Variants in NTM observed in about 807,000 individuals in gnomAD.
NTM encodes IgLON family member 2.
In NTM, 13 loss-of-function variants were observed where a neutral mutation model predicts 42.1. The observed-to-expected ratio is 0.31, with a 90% CI of 0.20 to 0.49. The LOEUF (loss-of-function observed/expected upper bound fraction) is 0.49, where lower values mean the gene tolerates loss of function less well. Among genes scored for constraint, NTM ranks in the 20% least tolerant of loss-of-function variants. The pLI, the probability that NTM is intolerant of heterozygous loss-of-function variation, is 0.99. For missense variants in NTM, 373 were observed against 452.8 expected (o/e 0.82, Z 1.60); for synonymous variants, 187 against 179.2 (o/e 1.04, Z -0.35).
intron 3 of NTM, among the ~76,000 whole-genome samples, chr11:132,147,225 G>T (rs1167283685): frequency 6.6e-6 from 1 of 151,716 alleles, no homozygotes; most frequent in Non-Finnish European, 1.5e-5. Context: ...GAGAGAGAGA[G>T]AGAGAGAGAG....
chr11:131,873,613 GTATATATATACATATATATATACACA>G lies in NTM; in HGVS notation c.83-37938_83-37913del, dbSNP rs1565657930. On this transcript the variant is annotated intron_variant, in intron 1 of 8. Transcript: ENST00000683400. The stretch of plus-strand genomic sequence containing the variant: ...GTATATATATACATATATATATACC[GTATATATATACATATATATATACACA>G]TATATATATACACACATATATATAC... Among the ~76,000 whole-genome samples the G allele has an allele frequency of 1.5e-3, 51 of 34,956 alleles. 5 individuals are homozygous for G. The highest frequency in any genetic ancestry group is 6.2e-3 in the African/African-American group (44 of 7,106). 22.9% of individuals were successfully genotyped at this position (34,956 alleles called of 152,430 possible).
chr11:132,065,638 T>C (rs2056360284), intron 2 of NTM, among the ~76,000 whole-genome samples: 1 of 152,218 alleles, frequency 6.6e-6, no homozygotes, highest in African/African-American at 2.4e-5. Context: ...TAAATTCTGA[T>C]TGGAACCTAA....
chr11:131,899,333 G>A (rs1169556760), intron 1 of NTM, among the ~76,000 whole-genome samples: 5 of 152,050 alleles, frequency 3.3e-5, no homozygotes, highest in African/African-American at 1.2e-4. Flanking sequence ...CCTCCTCAGG[G>A]GGCATTTCCA....
chr11:131,678,705 C>T (rs575213117), intron 1 of NTM, among the ~76,000 whole-genome samples: 9 of 152,326 alleles, frequency 5.9e-5, no homozygotes, highest in Admixed American at 5.2e-4. Flanking sequence ...GCTCTTGGAG[C>T]TCCTGTTTCT....
At chr11:131,556,433 A>G (rs1401605251) in intron 1 of NTM, among the ~76,000 whole-genome samples, 1 of 152,240 alleles carries the variant, frequency 6.6e-6, no homozygotes, top group Non-Finnish European at 1.5e-5. Context: ...TTAATAAGTC[A>G]GAGTACCCAA....
intron 1 of NTM, among the ~76,000 whole-genome samples, chr11:131,379,465 G>A (rs935947722): frequency 6.6e-6 from 1 of 152,172 alleles, no homozygotes; most frequent in African/African-American, 2.4e-5. Context: ...GGACCAGATT[G>A]CCTTGAGCCA....
intron 3 of NTM, among the ~76,000 whole-genome samples, chr11:132,173,228 C>A (rs1257993626): frequency 6.6e-6 from 1 of 152,168 alleles, no homozygotes; most frequent in Admixed American, 6.5e-5. Flanking sequence ...TTTCCAGGGG[C>A]TGGCTATGTC....
At chr11:131,902,862 C>A (rs1380644373) in intron 1 of NTM, among the ~76,000 whole-genome samples, 1 of 152,208 alleles carries the variant, frequency 6.6e-6, no homozygotes, top group African/African-American at 2.4e-5. Flanking sequence ...CTTTTATATA[C>A]AACTGCTATT....
chr11:131,998,408 C>A (rs1028865782), intron 2 of NTM, among the ~76,000 whole-genome samples: 1 of 152,170 alleles, frequency 6.6e-6, no homozygotes, highest in Non-Finnish European at 1.5e-5. Context: ...ATCCTGGGCC[C>A]CCCTTGTCCT....
At chr11:131,900,872 T>C in intron 1 of NTM, among the ~76,000 whole-genome samples, 1 of 152,268 alleles carries the variant, frequency 6.6e-6, no homozygotes, top group East Asian at 1.9e-4. Context: ...CTATTTTTTC[T>C]AATACCCTTT....
At chr11:131,612,675 G>A (rs1289616959) in intron 1 of NTM, among the ~76,000 whole-genome samples, 2 of 152,174 alleles carry the variant, frequency 1.3e-5, no homozygotes, top group East Asian at 1.9e-4. Flanking sequence ...CATGTTTATC[G>A]AATGCTGAAC....
intron 1 of NTM, among the ~76,000 whole-genome samples, chr11:131,905,630 A>AT (rs58756008): frequency 0.031 from 4,486 of 145,664 alleles, 198 homozygotes; most frequent in African/African-American, 0.098. Context: ...TGTCTTTTCC[A>AT]TTTTTTTTTT....
intron 3 of NTM, among the ~76,000 whole-genome samples, chr11:132,174,502 G>GTA (rs1254524686): frequency 6.6e-6 from 1 of 152,338 alleles, no homozygotes; most frequent in Non-Finnish European, 1.5e-5. Context: ...CATGGACTCA[G>GTA]TATGCTGGGT....
Position 131,619,993 on chromosome 11 carries a change from T to C in NTM, c.82+249105T>C, listed in dbSNP as rs145496943. On this transcript the variant is annotated intron_variant, in intron 1 of 8. Coordinates refer to ENST00000683400, the MANE Select transcript of NTM (RefSeq NM_001352005.2). ...CTAATTTTTGTATTTTTAGTAGAGA[T>C]GGGGTTTCACCATGTTGGCCAGGAT... Among the ~76,000 whole-genome samples, 380 of 152,038 alleles carry C rather than the reference T, an allele frequency of 2.5e-3. 4 individuals are homozygous for C. Among genetic ancestry groups the C allele is most frequent in the African/African-American group, 8.9e-3 (367 of 41,468 alleles).
intron 1 of NTM, among the ~76,000 whole-genome samples, chr11:131,559,828 G>A (rs1444833793): frequency 1.3e-5 from 2 of 152,130 alleles, no homozygotes; most frequent in African/African-American, 4.8e-5. Flanking sequence ...GCTCACTTTC[G>A]TTCCTTCTTA....
intron 1 of NTM, among the ~76,000 whole-genome samples, chr11:131,546,395 TC>T (rs1181685130): frequency 6.6e-6 from 1 of 152,206 alleles, no homozygotes; most frequent in African/African-American, 2.4e-5. Flanking sequence ...CTGGCCACTG[TC>T]CTGTTTCCCT....
At chr11:132,023,125 C>T (rs950540597) in intron 2 of NTM, among the ~76,000 whole-genome samples, 8 of 152,086 alleles carry the variant, frequency 5.3e-5, no homozygotes, top group Admixed American at 1.3e-4. Context: ...GGCTTTGCAG[C>T]GTGGGGAAGA....
intron 1 of NTM, among the ~76,000 whole-genome samples, chr11:131,878,443 C>T (rs1201086955): frequency 2.0e-5 from 3 of 150,388 alleles, no homozygotes; most frequent in African/African-American, 4.9e-5. Flanking sequence ...GGCATGGTGG[C>T]GCATGCCTCC....
chr11:131,586,490 T>G (rs553914358), intron 1 of NTM, among the ~76,000 whole-genome samples: 1 of 152,264 alleles, frequency 6.6e-6, no homozygotes, highest in East Asian at 1.9e-4. Flanking sequence ...CAGAGACCCC[T>G]AACCTGTTAA....
Sources: gnomAD v4.1 joint callset for allele counts (sites outside exome capture counted in the v4.1 genomes callset) on GRCh38, gnomAD v4.1.1 for gene constraint, MANE v1.5 for transcripts, NCBI Gene and HGNC (gene_info 2026-07-23, HGNC 2026-07-21) for gene names.